PCDHA5: variants seen among roughly 807,000 people sequenced by gnomAD.
The protein encoded by PCDHA5 is protocadherin alpha-5.
PCDHA5 carries 43 observed loss-of-function variants against 61.6 expected under a neutral mutation model. The observed-to-expected ratio is 0.70, with a 90% CI of 0.55 to 0.90. The LOEUF (loss-of-function observed/expected upper bound fraction) is 0.90. Among genes scored for constraint, PCDHA5 ranks in the 40% least tolerant of loss-of-function variants. The pLI is 0.00. For synonymous variants in PCDHA5, 627 were observed against 543.9 expected (o/e 1.15, Z -2.13); for missense variants, 1,298 against 1,222.7 (o/e 1.06, Z -0.92).
In PCDHA5 at chr5:140,955,830, T is replaced by G. The variant is rs564870909; in HGVS notation, c.2353-23119T>G. Among the ~76,000 whole-genome samples, 9 of 152,318 alleles carry G rather than the reference T, an allele frequency of 5.9e-5. No individual in the cohort carries two copies. The South Asian group carries it at 1.9e-3, about 32-fold the overall frequency. Reference sequence around the variant, plus strand: ...TGTCCACTGTGATTTCCTTGAGCAGTGGTTTGTCATTCTCCTTGAAGAGGT... The same window carrying G: ...TGTCCACTGTGATTTCCTTGAGCAGGGGTTTGTCATTCTCCTTGAAGAGGT... On this transcript the variant is annotated intron_variant, in intron 1 of 3. Coordinates refer to ENST00000529859, the MANE Select transcript of PCDHA5 (RefSeq NM_018908.3).
chr5:140,989,019 T>C (rs1429425323), intron 3 of PCDHA5: 1 of 152,238 alleles, frequency 6.6e-6, no homozygotes, highest in East Asian at 1.9e-4. Context: ...TATAGTTTCT[T>C]CAGTTATCAT....
intron 1 of PCDHA5, among the ~76,000 whole-genome samples, chr5:140,840,861 A>G (rs1776915355): frequency 6.6e-6 from 1 of 152,012 alleles, no homozygotes; most frequent in African/African-American, 2.4e-5. Flanking sequence ...ACACGAAACT[A>G]TGGAGGACAG....
intron 1 of PCDHA5, chr5:140,834,773 T>G (rs1773277984): frequency 1.9e-6 from 3 of 1,613,730 alleles, no homozygotes; most frequent in African/African-American, 1.3e-5. Flanking sequence ...ACGACAACCC[T>G]CCGGTGTTCC....
chr5:140,993,949 T>C (rs1330727166), intron 3 of PCDHA5, among the ~76,000 whole-genome samples: 1 of 152,204 alleles, frequency 6.6e-6, no homozygotes, highest in Non-Finnish European at 1.5e-5. Flanking sequence ...TGTTAAGTGA[T>C]ACATGACTGT....
chr5:140,877,707 G>A, intron 1 of PCDHA5: 2 of 1,614,062 alleles, frequency 1.2e-6, no homozygotes, highest in Non-Finnish European at 1.7e-6. Flanking sequence ...CCAGCGCCGT[G>A]GGGAGTTGGT....
chr5:140,836,791 G>T (rs780841391), intron 1 of PCDHA5: 4 of 1,417,390 alleles, frequency 2.8e-6, no homozygotes, highest in Non-Finnish European at 2.9e-6. Context: ...TAGTTCAATT[G>T]GTCTCCTTAA....
Position 140,824,083 on chromosome 5 carries a change from G to GC in PCDHA5, c.2310dup (p.Phe771LeufsTer21), listed in dbSNP as rs1767992835. 3 of 1,614,188 alleles carry GC rather than the reference G, an allele frequency of 1.9e-6. No homozygotes were observed. Among genetic ancestry groups the GC allele is most frequent in the Non-Finnish European group, 2.5e-6 (3 of 1,180,022 alleles). ...AGCTCCACCCAAAACAGACCTCATGGCCTTCAGTCCAAGCCTTCCTCAGGG... is the reference window on the plus strand; with the variant it reads ...AGCTCCACCCAAAACAGACCTCATGGCCCTTCAGTCCAAGCCTTCCTCAGGG... On this transcript the variant is annotated frameshift_variant, in exon 1 of 4. Coordinates refer to ENST00000529859, the MANE Select transcript of PCDHA5 (RefSeq NM_018908.3). LOFTEE classifies it high-confidence loss of function.
intron 1 of PCDHA5, among the ~76,000 whole-genome samples, chr5:140,943,453 G>A (rs545980639): frequency 2.6e-5 from 4 of 152,040 alleles, no homozygotes; most frequent in Non-Finnish European, 5.9e-5. Context: ...GAATTGATAA[G>A]GCTAAATGTG....
chr5:140,849,319 G>A, intron 1 of PCDHA5: 1 of 1,331,850 alleles, frequency 7.5e-7, no homozygotes, highest in Non-Finnish European at 1.0e-6. Flanking sequence ...GGCTTGAATG[G>A]GGATATTATT....
chr5:140,977,750 G>A (rs2096773664), intron 1 of PCDHA5, among the ~76,000 whole-genome samples: 1 of 152,142 alleles, frequency 6.6e-6, no homozygotes, highest in South Asian at 2.1e-4. Context: ...GAAGAAATGT[G>A]TTTATTAAAT....
rs782527785 is a variant in PCDHA5, at chr5:140,882,593, A to C, written c.2352+58466A>C. 1.9e-6 allele frequency: 3 copies of C among 1,614,126 alleles called. No homozygotes were observed. In the African/African-American group the frequency reaches 4.0e-5, roughly 22 times the overall value. On this transcript the variant is annotated intron_variant, in intron 1 of 3. Coordinates refer to ENST00000529859, the MANE Select transcript of PCDHA5 (RefSeq NM_018908.3). ...GGAGTGCAGCATCCACCTGGAGGTG[A>C]TCGTGGACAGGCCTCTGCAGGTTTT...
chr5:140,988,658 T>C (rs1470835683), intron 3 of PCDHA5, among the ~76,000 whole-genome samples: 7 of 152,232 alleles, frequency 4.6e-5, no homozygotes, highest in African/African-American at 9.6e-5. Flanking sequence ...TTTTTGTTTA[T>C]GAATAGACTC....
chr5:140,994,786 T>C (rs1219918332), intron 3 of PCDHA5, among the ~76,000 whole-genome samples: 4 of 152,086 alleles, frequency 2.6e-5, no homozygotes, highest in Non-Finnish European at 5.9e-5. Context: ...AAGGAAACAA[T>C]GCGTGCATGC....
intron 1 of PCDHA5, among the ~76,000 whole-genome samples, chr5:140,902,253 G>T (rs1170626795): frequency 1.4e-5 from 2 of 144,500 alleles, no homozygotes; most frequent in Non-Finnish European, 3.0e-5. Flanking sequence ...GCCCAGGCTG[G>T]TCTCGAACTC....
intron 3 of PCDHA5, among the ~76,000 whole-genome samples, chr5:141,008,739 C>A (rs1554261919): frequency 1.3e-5 from 2 of 152,166 alleles, no homozygotes; most frequent in Non-Finnish European, 2.9e-5. Context: ...AGACTGTGAG[C>A]ACACTGAGGG....
rs374310903 is a variant in PCDHA5 at position 140,968,575 on chromosome 5, G to A, written c.2353-10374G>A. 16 of 1,614,016 alleles carry A rather than the reference G, an allele frequency of 9.9e-6. No homozygotes were observed. In the African/African-American group the frequency reaches 2.1e-4, roughly 22 times the overall value. ...CTCGAACTGCCCCTGCTGGCTACCT[G>A]GTCACCAAAGTCATAGCTATGGACT... On this transcript the variant is annotated intron_variant, in intron 1 of 3. Transcript: ENST00000529859.
At chr5:140,883,133 G>C in intron 1 of PCDHA5, 1 of 1,614,112 alleles carries the variant, frequency 6.2e-7, no homozygotes, top group Non-Finnish European at 8.5e-7. Flanking sequence ...ATGGCCTGCA[G>C]TGGTATATGC....
Position 140,836,765 on chromosome 5 carries a change from A to T in PCDHA5, c.2352+12638A>T, listed in dbSNP as rs200916074. ...TGAGTCATAAATAATCTTGTTTCCA[A>T]CAATTTTAAAACAATTAGTTCAATT... On this transcript the variant is annotated intron_variant, in intron 1 of 3. Coordinates refer to ENST00000529859, the MANE Select transcript of PCDHA5 (RefSeq NM_018908.3). 7.0e-6 allele frequency: 11 copies of T among 1,563,040 alleles called. No individual in the cohort carries two copies. The East Asian group carries it at 9.0e-5, about 13-fold the overall frequency.
intron 1 of PCDHA5, chr5:140,871,565 G>A: frequency 3.4e-6 from 5 of 1,483,114 alleles, no homozygotes; most frequent in South Asian, 1.4e-5. Context: ...TTTTTTTCAC[G>A]GATTTTTTAA....
Sources: gnomAD v4.1 joint callset for allele counts (sites outside exome capture counted in the v4.1 genomes callset) on GRCh38, gnomAD v4.1.1 for gene constraint, MANE v1.5 for transcripts, NCBI Gene and HGNC (gene_info 2026-07-23, HGNC 2026-07-21) for gene names.